GALNT15: variants seen among roughly 807,000 people sequenced by gnomAD.
GALNT15 encodes UDP-GalNAc transferase T15.
GALNT15 carries 67 observed loss-of-function variants against 66.8 expected under a neutral mutation model. The ratio of observed to expected loss-of-function variants is 1.00; its 90% CI spans 0.82 to 1.23. GALNT15 has a LOEUF of 1.23. GALNT15 is among the 50% of genes most tolerant of loss of function. The probability of loss-of-function intolerance (pLI) is 0.00; values close to 1 mark genes in which losing one functional copy is unlikely to be tolerated. For synonymous variants in GALNT15, 313 were observed against 311.5 expected, an observed-to-expected ratio of 1.00 and a Z score of -0.05; for missense variants, 827 against 804.3, an observed-to-expected ratio of 1.03 and a Z score of -0.34.
In GALNT15 at chr3:16,229,292, C is replaced by T; in HGVS notation, c.*1792C>T. The T allele has an allele frequency of 1.0e-6, 1 of 971,800 alleles. No individual in the cohort carries two copies. Among genetic ancestry groups the T allele is most frequent in the Middle Eastern group, 5.3e-4 (1 of 1,894 alleles). The allele number at this position is 971,800 out of a possible 1,614,324, so 60.2% of individuals were successfully genotyped here. A position where few individuals can be genotyped will look rare whatever the true frequency, so the allele number is the denominator to read the frequency against. On this transcript the variant is annotated 3_prime_UTR_variant, in exon 10 of 10. Transcript: ENST00000339732. ...CCTGTGCTGTCTAATATGGTAGCCA[C>T]TAACAAAATGTGGCCATTTTGATGG...
chr3:16,233,513 G>GT (rs1194724012), downstream of GALNT15, among the ~76,000 whole-genome samples: 1 of 152,092 alleles, frequency 6.6e-6, no homozygotes, highest in Non-Finnish European at 1.5e-5. Context: ...GACCAGGGAA[G>GT]TTTTTTAACC....
intron 8 of GALNT15, among the ~76,000 whole-genome samples, chr3:16,220,921 C>G (rs2063935738): frequency 6.6e-6 from 1 of 152,172 alleles, no homozygotes; most frequent in African/African-American, 2.4e-5. Context: ...TGCCCTTTAC[C>G]AATCTCCTAG....
intron 6 of GALNT15, among the ~76,000 whole-genome samples, chr3:16,216,499 G>A (rs1028148847): frequency 2.7e-5 from 1 of 37,126 alleles, no homozygotes; most frequent in African/African-American, 2.3e-4. Context: ...ACTCTGTCTC[G>A]GGAAAAAAAA....
chr3:16,206,589 C>A, intron 3 of GALNT15, among the ~76,000 whole-genome samples: 1 of 142,084 alleles, frequency 7.0e-6, no homozygotes, highest in Non-Finnish European at 1.5e-5. Context: ...AGGAGAATGG[C>A]GTGAACCTGG....
rs1040618131 is a variant in GALNT15 at position 16,189,379 on chromosome 3, G to T, written c.540-6381G>T. On this transcript the variant is annotated intron_variant, in intron 1 of 9. Coordinates refer to ENST00000339732, the MANE Select transcript of GALNT15 (RefSeq NM_054110.5). The surrounding 1 kb of genome is among the most constrained non-coding windows in gnomAD (Gnocchi z 5.1). ...GGGCAATGCACCAGCCCTAGTGGTT[G>T]AGATGAGGAGTAAATGAGATAATGC... Among the ~76,000 whole-genome samples the T allele has an allele frequency of 2.4e-4, 37 of 152,346 alleles. No individual in the cohort carries two copies. The highest frequency in any genetic ancestry group is 8.7e-4 in the African/African-American group (36 of 41,582).
Position 16,219,071 on chromosome 3 carries a change from C to G in GALNT15, c.1393-332C>G, listed in dbSNP as rs1271969734. ...CCTCAAGTGATCCACCAGCCTCGGC[C>G]TCCCAAAGTGCTGGAGGTGTGAGCC... On this transcript the variant is annotated intron_variant, in intron 6 of 9. Coordinates refer to ENST00000339732, the MANE Select transcript of GALNT15 (RefSeq NM_054110.5). This position sits in a 1 kb window ranked among gnomAD's most constrained non-coding sequence, Gnocchi z 4.3. Among the ~76,000 whole-genome samples, 2 of 152,116 alleles carry G rather than the reference C, an allele frequency of 1.3e-5. No homozygotes were observed. Among genetic ancestry groups the G allele is most frequent in the Non-Finnish European group, 2.9e-5 (2 of 68,014 alleles).
chr3:16,177,942 G>A (rs1482749494), intron 1 of GALNT15, among the ~76,000 whole-genome samples: 1 of 152,188 alleles, frequency 6.6e-6, no homozygotes, highest in Admixed American at 6.5e-5. Context: ...TGTGTGTGCT[G>A]TGCACGTATT....
Position 16,211,457 on chromosome 3 carries a change from C to T in GALNT15, c.1197+216C>T, listed in dbSNP as rs1213828016. On this transcript the variant is annotated intron_variant, in intron 5 of 9. Coordinates refer to ENST00000339732, the MANE Select transcript of GALNT15 (RefSeq NM_054110.5). This position sits in a 1 kb window ranked among gnomAD's most constrained non-coding sequence, Gnocchi z 4.3. ...GTTTCACTCTCAGTGCCTTCAAAAC[C>T]TGCTTCCAGGAATAGGCATACTCTC... is the stretch of plus-strand genomic sequence containing the variant. Among the ~76,000 whole-genome samples, 3 of 152,182 alleles carry T rather than the reference C, an allele frequency of 2.0e-5. No homozygotes were observed. The highest frequency in any genetic ancestry group is 4.4e-5 in the Non-Finnish European group (3 of 68,040).
the GALNT15 span, among the ~76,000 whole-genome samples, chr3:16,242,380 T>C: frequency 6.6e-6 from 1 of 152,314 alleles, no homozygotes; most frequent in Non-Finnish European, 1.5e-5. The surrounding 1 kb of genome is among the most constrained non-coding windows in gnomAD (Gnocchi z 5.6). Flanking sequence ...CGTCTGCCCC[T>C]GAACTAATCT....
intron 1 of GALNT15, among the ~76,000 whole-genome samples, chr3:16,185,756 TAGATA>T (rs1216672061): frequency 1.5e-5 from 1 of 66,204 alleles, no homozygotes; most frequent in Non-Finnish European, 3.3e-5. Flanking sequence ...GACAGATAGA[TAGATA>T]GATAGATAGA....
rs75196175 is a variant in GALNT15, at chr3:16,176,658, C to T, written c.539+968C>T. 0.016 allele frequency among the ~76,000 whole-genome samples: 2,427 copies of T among 152,344 alleles called. 65 individuals are homozygous for T. The highest frequency in any genetic ancestry group is 0.055 in the African/African-American group (2,295 of 41,564). ...CTGAGGAGGGAGCCTTGGTTACCAG[C>T]ATCCAGGGAGCAAGGCAGCTTGTTA... is the stretch of plus-strand genomic sequence containing the variant. On this transcript the variant is annotated intron_variant, in intron 1 of 9. Transcript: ENST00000339732. This position sits in a 1 kb window ranked among gnomAD's most constrained non-coding sequence, Gnocchi z 5.6.
At chr3:16,205,672 A>G (rs2063748943) in intron 3 of GALNT15, among the ~76,000 whole-genome samples, 1 of 152,232 alleles carries the variant, frequency 6.6e-6, no homozygotes, top group South Asian at 2.1e-4. Flanking sequence ...GTACAAAACC[A>G]CAAAGCTAAA....
rs1384739230 is a variant in GALNT15, at chr3:16,219,610, A to G, written c.1524+76A>G. ...CAAGAACTAGATGTTCAGCTCTTCC[A>G]TGTCCCTGGTCAACCATTCACGGTT... is the stretch of plus-strand genomic sequence containing the variant. On this transcript the variant is annotated intron_variant, in intron 7 of 9. Coordinates refer to ENST00000339732, the MANE Select transcript of GALNT15 (RefSeq NM_054110.5). This position sits in a 1 kb window ranked among gnomAD's most constrained non-coding sequence, Gnocchi z 4.3. 12 of 1,566,120 alleles carry G rather than the reference A, an allele frequency of 7.7e-6. No homozygotes were observed. Among genetic ancestry groups the G allele is most frequent in the Admixed American group, 1.8e-5 (1 of 56,592 alleles).
At chr3:16,244,628 C>T in the GALNT15 span, among the ~76,000 whole-genome samples, 1 of 152,180 alleles carries the variant, frequency 6.6e-6, no homozygotes, top group African/African-American at 2.4e-5. Flanking sequence ...ACTCCTTGAG[C>T]CCCCACAAAG....
In GALNT15 at chr3:16,191,630, CACCATTT is replaced by C. The variant is rs2063580548; in HGVS notation, c.540-4128_540-4122del. On this transcript the variant is annotated intron_variant, in intron 1 of 9. Transcript: ENST00000339732. This position sits in a 1 kb window ranked among gnomAD's most constrained non-coding sequence, Gnocchi z 5.2. The stretch of plus-strand genomic sequence containing the variant: ...AAGAAAGGAACTTGAGTGCCCTGGT[CACCATTT>C]AACTAGCAGAGATGGAAGCTCTCAC... Among the ~76,000 whole-genome samples, 2 of 152,214 alleles carry C rather than the reference CACCATTT, an allele frequency of 1.3e-5. No individual in the cohort carries two copies. The highest frequency in any genetic ancestry group is 2.4e-5 in the African/African-American group (1 of 41,456).
chr3:16,222,265 T>C (rs952216957), intron 8 of GALNT15, among the ~76,000 whole-genome samples: 1 of 152,136 alleles, frequency 6.6e-6, no homozygotes, highest in African/African-American at 2.4e-5. Flanking sequence ...CAGAAAGACA[T>C]CAACCTGGGC....
In GALNT15 at chr3:16,204,785, T is replaced by TGGGGAGAAGCAATGTGGGGC. The variant is rs374835991; in HGVS notation, c.912-3717_912-3698dup. On this transcript the variant is annotated intron_variant, in intron 3 of 9. Transcript: ENST00000339732. The surrounding 1 kb of genome is among the most constrained non-coding windows in gnomAD (Gnocchi z 4.5). ...CCTTCAGGATCAGCCAGGGGTGCTA[T>TGGGGAGAAGCAATGTGGGGC]GGGGAGAAGCAATGTGGGGCAGGGA... 0.023 allele frequency among the ~76,000 whole-genome samples: 3,563 copies of TGGGGAGAAGCAATGTGGGGC among 152,202 alleles called. 146 individuals are homozygous for TGGGGAGAAGCAATGTGGGGC. The highest frequency in any genetic ancestry group is 0.08 in the African/African-American group (3,313 of 41,486).
downstream of GALNT15, among the ~76,000 whole-genome samples, chr3:16,232,538 A>G (rs2064095754): frequency 7.9e-6 from 1 of 126,286 alleles, no homozygotes; most frequent in Non-Finnish European, 1.7e-5. Flanking sequence ...TAATGTGAGA[A>G]TGTTGAGCTC....
downstream of GALNT15, among the ~76,000 whole-genome samples, chr3:16,233,092 A>ATTTTTTTTTTTTTTTTTT (rs771943641): frequency 6.2e-5 from 3 of 48,072 alleles, no homozygotes; most frequent in Admixed American, 2.1e-4. Flanking sequence ...AGGATAATGC[A>ATTTTTTTTTTTTTTTTTT]TCTTTTTTTT....
Sources: allele counts gnomAD v4.1 joint callset (sites outside exome capture counted in the v4.1 genomes callset), GRCh38; gene constraint gnomAD v4.1.1; non-coding constraint Gnocchi (gnomAD v3.1); transcripts MANE v1.5; gene names NCBI Gene and HGNC (gene_info 2026-07-23, HGNC 2026-07-21).